The following DKK2 variants were observed in gnomAD, a reference collection of about 807,000 sequenced individuals.
DKK2 encodes dickkopf Wnt signaling pathway inhibitor 2, also known as dickkopf-related protein 2.
Under a neutral mutation model 28.1 loss-of-function variants are expected in DKK2, and 11 were observed. That is an observed-to-expected ratio of 0.39 (90% CI 0.25 to 0.65). The LOEUF (loss-of-function observed/expected upper bound fraction) is 0.65, where lower values mean the gene tolerates loss of function less well. Ranked by LOEUF, DKK2 falls within the 30% of genes least tolerant of loss-of-function variation. The pLI, the probability that DKK2 is intolerant of heterozygous loss-of-function variation, is 0.47. For synonymous variants in DKK2, 135 were observed against 126.5 expected, an observed-to-expected ratio of 1.07 and a Z score of -0.45; for missense variants, 326 against 335.5, an observed-to-expected ratio of 0.97 and a Z score of 0.22.
chr4:106,969,585 T>G (rs1444226990), intron 1 of DKK2, among the ~76,000 whole-genome samples: 1 of 152,056 alleles, frequency 6.6e-6, no homozygotes, highest in Non-Finnish European at 1.5e-5. Context: ...CCTGACATAT[T>G]TTCACTCCTC....
At chr4:106,989,357 T>A (rs1723171002) in intron 1 of DKK2, among the ~76,000 whole-genome samples, 1 of 152,202 alleles carries the variant, frequency 6.6e-6, no homozygotes, top group African/African-American at 2.4e-5. Flanking sequence ...GTTTTCCAGC[T>A]GTGTGACTTG....
At chr4:106,956,719 A>G (rs2110348631) in intron 1 of DKK2, among the ~76,000 whole-genome samples, 1 of 152,166 alleles carries the variant, frequency 6.6e-6, no homozygotes, top group African/African-American at 2.4e-5. Flanking sequence ...CTGAAGCTGG[A>G]TCCCTTCCTT....
chr4:106,995,956 A>G (rs1420108631), intron 1 of DKK2, among the ~76,000 whole-genome samples: 1 of 152,188 alleles, frequency 6.6e-6, no homozygotes, highest in Non-Finnish European at 1.5e-5. Context: ...TGGGCACTCC[A>G]AAAGAAATTT....
chr4:106,983,441 A>C (rs1282404408), intron 1 of DKK2, among the ~76,000 whole-genome samples: 1 of 152,116 alleles, frequency 6.6e-6, no homozygotes, highest in Non-Finnish European at 1.5e-5. Context: ...ACAAGAATTA[A>C]CTCAAAAGTA....
At chr4:107,029,568 C>A (rs1232557330) in intron 1 of DKK2, among the ~76,000 whole-genome samples, 2 of 152,108 alleles carry the variant, frequency 1.3e-5, no homozygotes, top group Non-Finnish European at 2.9e-5. Context: ...TAAGTTCTTG[C>A]AAGCTAGTTT....
intron 1 of DKK2, among the ~76,000 whole-genome samples, chr4:106,956,134 A>G (rs1419836110): frequency 2.0e-5 from 3 of 152,196 alleles, no homozygotes; most frequent in Non-Finnish European, 4.4e-5. Flanking sequence ...ACAATCTAAG[A>G]ACTAATATAG....
chr4:106,966,042 G>A (rs1722776062), intron 1 of DKK2, among the ~76,000 whole-genome samples: 1 of 151,910 alleles, frequency 6.6e-6, no homozygotes, highest in South Asian at 2.1e-4. Flanking sequence ...TGTGAATAGT[G>A]CCGCAATAAA....
intron 1 of DKK2, among the ~76,000 whole-genome samples, chr4:107,017,118 T>C (rs146442297): frequency 4.5e-4 from 68 of 152,118 alleles, no homozygotes; most frequent in African/African-American, 1.3e-3. Flanking sequence ...CTATGTTGTT[T>C]CTTAGGTTTC....
At chr4:107,034,504 C>T (rs1402081065) in intron 1 of DKK2, among the ~76,000 whole-genome samples, 1 of 152,146 alleles carries the variant, frequency 6.6e-6, no homozygotes. Context: ...ATTTGTATAA[C>T]AGTTTGCAAG....
intron 1 of DKK2, among the ~76,000 whole-genome samples, chr4:106,964,960 T>TTAG (rs1553922187): frequency 1.4e-5 from 2 of 146,440 alleles, no homozygotes; most frequent in Admixed American, 6.9e-5. Flanking sequence ...GATAGATAGA[T>TTAG]ATAGATAGAT....
At chr4:106,940,723 T>G (rs1446877064) in intron 1 of DKK2, among the ~76,000 whole-genome samples, 1 of 151,710 alleles carries the variant, frequency 6.6e-6, no homozygotes, top group Non-Finnish European at 1.5e-5. Flanking sequence ...TGTCCAACAA[T>G]GATAGACTGG....
chr4:106,993,458 G>T (rs866759019), intron 1 of DKK2, among the ~76,000 whole-genome samples: 7 of 151,830 alleles, frequency 4.6e-5, no homozygotes, highest in Non-Finnish European at 7.4e-5. Flanking sequence ...TAATATCCAC[G>T]AAGACCAATT....
rs528677483 is a variant in DKK2, at chr4:106,925,838, G to C, written c.334C>G (p.Arg112Gly). The change falls in exon 2 of 4, where the codon CGA (arginine) becomes GGA (glycine). Residue 112 changes from arginine to glycine, a missense_variant. Arg to Gly is a moderately radical substitution (Grantham distance 125). Transcript: ENST00000285311. ...VCRRKKKRCH[R>G]DGMCCPSTRC... The stretch of plus-strand genomic sequence containing the variant: ...GTACTGGGGCAGCACATGCCATCTC[G>C]GTGGCAGCGCTTCTTTTTTCTCCGA... 6.2e-6 allele frequency: 10 copies of C among 1,613,300 alleles called. No individual in the cohort carries two copies. The Admixed American group carries it at 1.0e-4, about 16-fold the overall frequency.
chr4:106,939,592 G>A (rs377249888), intron 1 of DKK2, among the ~76,000 whole-genome samples: 1 of 152,122 alleles, frequency 6.6e-6, no homozygotes, highest in Non-Finnish European at 1.5e-5. Flanking sequence ...TTTCTTCACA[G>A]AATTGGAAAA....
At position 106,999,737 on chromosome 4, in the gene DKK2, C is replaced by G. The variant is rs561870027; in HGVS notation, c.222+35633G>C. On this transcript the variant is annotated intron_variant, in intron 1 of 3. Coordinates refer to ENST00000285311, the MANE Select transcript of DKK2 (RefSeq NM_014421.3). The stretch of plus-strand genomic sequence containing the variant: ...TATTTTTTGGTTAGAAAGGATATGA[C>G]TACATAACAAAAAAATAGATTTAAT... Among the ~76,000 whole-genome samples, 42 of 152,082 alleles carry G rather than the reference C, an allele frequency of 2.8e-4. No individual in the cohort carries two copies. The South Asian group carries it at 8.7e-3, about 32-fold the overall frequency.
intron 1 of DKK2, among the ~76,000 whole-genome samples, chr4:106,972,568 A>T (rs1722884202): frequency 6.6e-6 from 1 of 152,050 alleles, no homozygotes; most frequent in Non-Finnish European, 1.5e-5. Context: ...TTCCCTCATG[A>T]TTATGACAAC....
chr4:107,011,535 G>T (rs942756824), intron 1 of DKK2, among the ~76,000 whole-genome samples: 3 of 151,450 alleles, frequency 2.0e-5, no homozygotes, highest in Admixed American at 6.6e-5. Flanking sequence ...ATTATATTTT[G>T]GTATGCAGCA....
At chr4:107,003,497 C>G (rs1356644815) in intron 1 of DKK2, among the ~76,000 whole-genome samples, 1 of 152,232 alleles carries the variant, frequency 6.6e-6, no homozygotes, top group Admixed American at 6.5e-5. Context: ...CCTTGGTGGG[C>G]AACCTCACCA....
At position 106,977,731 on chromosome 4, in the gene DKK2, A is replaced by G. The variant is rs191604841; in HGVS notation, c.223-51782T>C. On this transcript the variant is annotated intron_variant, in intron 1 of 3. Transcript: ENST00000285311. Reference sequence around the variant, plus strand: ...TGTTATTACCCACCTTCCGAAGCCTACTTCTGTCAATTCGTCAAACTCATT... The same window carrying G: ...TGTTATTACCCACCTTCCGAAGCCTGCTTCTGTCAATTCGTCAAACTCATT... 5.5e-4 allele frequency among the ~76,000 whole-genome samples: 83 copies of G among 152,186 alleles called. 1 individual carries two copies. Among genetic ancestry groups the G allele is most frequent in the African/African-American group, 1.8e-3 (76 of 41,514 alleles).
Sources: allele counts gnomAD v4.1 joint callset (sites outside exome capture counted in the v4.1 genomes callset), GRCh38; gene constraint gnomAD v4.1.1; transcripts MANE v1.5; gene names NCBI Gene and HGNC (gene_info 2026-07-23, HGNC 2026-07-21).